FAM135B: variants seen among roughly 807,000 people sequenced by gnomAD.
The protein encoded by FAM135B is protein FAM135B.
Under a neutral mutation model 127.7 loss-of-function variants are expected in FAM135B, and 43 were observed. The ratio of observed to expected loss-of-function variants is 0.34; its 90% CI spans 0.26 to 0.43. The LOEUF is 0.43. Among genes scored for constraint, FAM135B ranks in the 20% least tolerant of loss-of-function variants. The probability of loss-of-function intolerance (pLI) is 1.00; values close to 1 mark genes in which losing one functional copy is unlikely to be tolerated. For missense variants in FAM135B, 1,558 were observed against 1,725.6 expected, an observed-to-expected ratio of 0.90 and a Z score of 1.72; for synonymous variants, 670 against 665.1, an observed-to-expected ratio of 1.01 and a Z score of -0.11.
At chr8:138,373,932 T>C (rs1201021700) in intron 1 of FAM135B, among the ~76,000 whole-genome samples, 3 of 152,146 alleles carry the variant, frequency 2.0e-5, no homozygotes, top group African/African-American at 7.2e-5. Flanking sequence ...GAAACTTCAT[T>C]AGCAATTTTA....
rs540134518 is a variant in FAM135B at position 138,328,902 on chromosome 8, G to T, written c.78-17982C>A. On this transcript the variant is annotated intron_variant, in intron 2 of 19. Coordinates refer to ENST00000395297, the MANE Select transcript of FAM135B (RefSeq NM_015912.4). The stretch of plus-strand genomic sequence containing the variant: ...TAGTTATGAGACTATTTGATGCAAG[G>T]TGCATGTATATACTGTATGTACTCA... Among the ~76,000 whole-genome samples the T allele has an allele frequency of 7.2e-5, 11 of 152,308 alleles. 1 individual carries two copies. The South Asian group carries it at 2.3e-3, about 32-fold the overall frequency.
intron 16 of FAM135B, among the ~76,000 whole-genome samples, chr8:138,142,285 C>CT (rs1166235927): frequency 7.0e-5 from 7 of 99,934 alleles, no homozygotes; most frequent in South Asian, 3.6e-4. Context: ...CATTCTGCTT[C>CT]TTCTTTTTTT....
At chr8:138,268,705 A>G (rs1294993373) in intron 3 of FAM135B, among the ~76,000 whole-genome samples, 2 of 152,206 alleles carry the variant, frequency 1.3e-5, no homozygotes, top group Non-Finnish European at 2.9e-5. Flanking sequence ...CAGCAAAAGT[A>G]CATACTCTCT....
At chr8:138,376,900 T>C (rs2131266464) in intron 1 of FAM135B, among the ~76,000 whole-genome samples, 1 of 152,370 alleles carries the variant, frequency 6.6e-6, no homozygotes, top group Middle Eastern at 3.4e-3. Flanking sequence ...ACTTTAGAGG[T>C]TCTGGCATTT....
intron 11 of FAM135B, among the ~76,000 whole-genome samples, chr8:138,172,716 G>A (rs1049782364): frequency 6.6e-6 from 1 of 152,132 alleles, no homozygotes; most frequent in African/African-American, 2.4e-5. Context: ...GCAGAGGGAG[G>A]GAGGAAGGGA....
At position 138,362,624 on chromosome 8, in the gene FAM135B, A is replaced by G. The variant is rs143184971; in HGVS notation, c.77+5283T>C. 5.5e-3 allele frequency among the ~76,000 whole-genome samples: 834 copies of G among 152,282 alleles called. 9 individuals are homozygous for G. Among genetic ancestry groups the G allele is most frequent in the African/African-American group, 0.019 (796 of 41,570 alleles). On this transcript the variant is annotated intron_variant, in intron 2 of 19. Coordinates refer to ENST00000395297, the MANE Select transcript of FAM135B (RefSeq NM_015912.4). Reference sequence around the variant, plus strand: ...CTTGAGGCCTTGGTTTCTTCATGCCACAGAAGTTATAGAGAGTCTTGGGGA... The same window carrying G: ...CTTGAGGCCTTGGTTTCTTCATGCCGCAGAAGTTATAGAGAGTCTTGGGGA...
intron 2 of FAM135B, among the ~76,000 whole-genome samples, chr8:138,362,958 T>C (rs1401151759): frequency 6.6e-6 from 1 of 152,088 alleles, no homozygotes; most frequent in Non-Finnish European, 1.5e-5. Flanking sequence ...CTTAGGAATA[T>C]GGAAAAGCTA....
At chr8:138,190,741 G>A (rs764937467) in intron 9 of FAM135B, among the ~76,000 whole-genome samples, 3 of 152,148 alleles carry the variant, frequency 2.0e-5, no homozygotes, top group African/African-American at 4.8e-5. Context: ...CTTCATCTGC[G>A]TAATAAGAAC....
In FAM135B at chr8:138,242,094, T is replaced by TTGCTGAC. The variant is rs2130365157; in HGVS notation, c.669+841_669+847dup. ...CCACCTGCACTCTTGGGTCTCCAGCTTGCTGACTGAAGATTTGGGGGCTTC... is the reference window on the plus strand; with the variant it reads ...CCACCTGCACTCTTGGGTCTCCAGCTTGCTGACTGCTGACTGAAGATTTGGGGGCTTC... On this transcript the variant is annotated intron_variant, in intron 7 of 19. Coordinates refer to ENST00000395297, the MANE Select transcript of FAM135B (RefSeq NM_015912.4). This position sits in a 1 kb window ranked among gnomAD's most constrained non-coding sequence, Gnocchi z 9.6. Among the ~76,000 whole-genome samples, 1 of 152,048 alleles carries TTGCTGAC rather than the reference T, an allele frequency of 6.6e-6. No individual in the cohort carries two copies. The highest frequency in any genetic ancestry group is 2.1e-4 in the South Asian group (1 of 4,798).
chr8:138,256,978 C>T (rs1166463268), intron 4 of FAM135B, among the ~76,000 whole-genome samples: 1 of 152,182 alleles, frequency 6.6e-6, no homozygotes, highest in East Asian at 1.9e-4. Flanking sequence ...GATATACATA[C>T]CCAGTTTGGG....
intron 12 of FAM135B, 56 bp from the exon 13 acceptor site, chr8:138,153,272 G>T: frequency 7.3e-7 from 1 of 1,367,462 alleles, no homozygotes; most frequent in Non-Finnish European, 9.8e-7. Context: ...GTGTTTACAA[G>T]TTATCCAAAT....
chr8:138,447,905 T>C, intron 1 of FAM135B, among the ~76,000 whole-genome samples: 1 of 151,716 alleles, frequency 6.6e-6, no homozygotes, highest in Middle Eastern at 3.2e-3. Context: ...ATATCAGTGA[T>C]CACAGAACAT....
Position 138,151,831 on chromosome 8 carries a change from T to A in FAM135B, c.2644A>T (p.Ile882Leu), listed in dbSNP as rs1818182891. ...GVETKGLNLK[I>L]PRVIALENPR... is the part of the protein sequence containing the mutation. Reference sequence around the variant, plus strand: ...TTTTCAAGTGCTATGACGCGTGGTATTTTTAAATTAAGACCTTTGGTTTCA... The same window carrying A: ...TTTTCAAGTGCTATGACGCGTGGTAATTTTAAATTAAGACCTTTGGTTTCA... The change falls in exon 13 of 20, where the codon ATA (isoleucine) becomes TTA (leucine). Residue 882 changes from isoleucine to leucine, a missense_variant. By Grantham distance (5) the Ile-to-Leu change is conservative (BLOSUM62 2). This residue lies in a region of FAM135B where 923 missense variants were observed against 865.3 expected (regional missense o/e 1.07). Coordinates refer to ENST00000395297, the MANE Select transcript of FAM135B (RefSeq NM_015912.4). 6.2e-7 allele frequency: 1 copy of A among 1,614,176 alleles called. No homozygotes were observed. The highest frequency in any genetic ancestry group is 8.5e-7 in the Non-Finnish European group (1 of 1,180,028).
chr8:138,305,990 G>C (rs114816001), intron 3 of FAM135B, among the ~76,000 whole-genome samples: 2,942 of 152,268 alleles, frequency 0.019, 104 homozygotes, highest in African/African-American at 0.068. Flanking sequence ...ACAAAGAATA[G>C]TGAAAGTAGC....
chr8:138,284,729 T>C (rs767053304), intron 3 of FAM135B, among the ~76,000 whole-genome samples: 1 of 152,020 alleles, frequency 6.6e-6, no homozygotes, highest in South Asian at 2.1e-4. Flanking sequence ...CCCTGGAAAG[T>C]CTTCCCTAAT....
At chr8:138,427,145 G>A (rs1437167366) in intron 1 of FAM135B, among the ~76,000 whole-genome samples, 1 of 151,848 alleles carries the variant, frequency 6.6e-6, no homozygotes, top group Non-Finnish European at 1.5e-5. Flanking sequence ...ACCTTTGGTA[G>A]TGGGGAAGAG....
At chr8:138,302,977 A>G (rs763606155) in intron 3 of FAM135B, among the ~76,000 whole-genome samples, 3 of 152,230 alleles carry the variant, frequency 2.0e-5, no homozygotes, top group Non-Finnish European at 2.9e-5. Flanking sequence ...ACGCTTTTAC[A>G]CTGTTGGTAG....
chr8:138,146,317 ACT>A (rs1230609999), intron 14 of FAM135B, among the ~76,000 whole-genome samples: 1 of 152,020 alleles, frequency 6.6e-6, no homozygotes, highest in African/African-American at 2.4e-5. Context: ...GCTTGTGAAC[ACT>A]CTGCATACAG....
chr8:138,263,454 T>C lies in FAM135B; in HGVS notation c.297+2249A>G, dbSNP rs544273269. Among the ~76,000 whole-genome samples the C allele has an allele frequency of 3.3e-5, 5 of 152,276 alleles. No individual in the cohort carries two copies. In the South Asian group the frequency reaches 6.2e-4, roughly 19 times the overall value. On this transcript the variant is annotated intron_variant, in intron 4 of 19. Coordinates refer to ENST00000395297, the MANE Select transcript of FAM135B (RefSeq NM_015912.4). ...GACTGAGCAGTTCTTGCAGCCAGTC[T>C]CTTGGGGCACATAGCAGGTGGGACA...
Sources: allele counts gnomAD v4.1 joint callset (sites outside exome capture counted in the v4.1 genomes callset), GRCh38; gene constraint gnomAD v4.1.1; regional missense constraint gnomAD v4.1.1; non-coding constraint Gnocchi (gnomAD v3.1); transcripts MANE v1.5; gene names NCBI Gene and HGNC (gene_info 2026-07-23, HGNC 2026-07-21).